Variants in DIS3L2 observed in about 807,000 individuals in gnomAD.
DIS3L2 encodes DIS3 like 3'-5' exoribonuclease 2, also known as DIS3-like exonuclease 2.
A neutral mutation model predicts 97.5 loss-of-function variants in DIS3L2; 34 were observed. The observed-to-expected ratio is 0.35, with a 90% CI of 0.27 to 0.46. DIS3L2 has a LOEUF of 0.46. DIS3L2 is among the 20% of genes least tolerant of loss of function. The probability of loss-of-function intolerance (pLI) is 1.00; values close to 1 mark genes in which losing one functional copy is unlikely to be tolerated. For missense variants in DIS3L2, 1,038 were observed against 1,146.0 expected, an observed-to-expected ratio of 0.91 and a Z score of 1.36; for synonymous variants, 435 against 445.2, an observed-to-expected ratio of 0.98 and a Z score of 0.29.
Position 232,325,079 on chromosome 2 carries a change from G to A in DIS3L2, c.1740-4734G>A, listed in dbSNP as rs141759573. ...GTTCCTCGATGGTCAGGGAAGGCAG[G>A]CTTCCTCTGAAGAGCAGATCGCTTT... On this transcript the variant is annotated intron_variant, in intron 14 of 20. Transcript: ENST00000325385. The surrounding 1 kb of genome is among the most constrained non-coding windows in gnomAD (Gnocchi z 4.6). 2.6e-5 allele frequency among the ~76,000 whole-genome samples: 4 copies of A among 152,340 alleles called. No homozygotes were observed. The highest frequency in any genetic ancestry group is 2.1e-4 in the South Asian group (1 of 4,828).
chr2:232,200,677 G>A (rs1691867908), intron 9 of DIS3L2, among the ~76,000 whole-genome samples: 1 of 151,830 alleles, frequency 6.6e-6, no homozygotes, highest in African/African-American at 2.4e-5. Flanking sequence ...GCCAGCAAAT[G>A]TAGGAGATAT....
At chr2:232,104,887 G>A (rs760833966) in intron 6 of DIS3L2, among the ~76,000 whole-genome samples, 5 of 151,644 alleles carry the variant, frequency 3.3e-5, no homozygotes, top group African/African-American at 7.3e-5. Context: ...GTGTGATCTC[G>A]GCTCACTGCA....
At chr2:232,007,237 T>C (rs1694078250) in intron 1 of DIS3L2, among the ~76,000 whole-genome samples, 1 of 152,180 alleles carries the variant, frequency 6.6e-6, no homozygotes, top group Non-Finnish European at 1.5e-5. Flanking sequence ...TATAAATATG[T>C]AGGGACATTT....
intron 5 of DIS3L2, among the ~76,000 whole-genome samples, chr2:232,046,645 C>G (rs11889439): frequency 0.11 from 16,758 of 152,064 alleles, 1,142 homozygotes; most frequent in African/African-American, 0.19. Flanking sequence ...ACCCCTTCAC[C>G]CCCTTCTCCA....
intron 14 of DIS3L2, among the ~76,000 whole-genome samples, chr2:232,312,256 C>T (rs1695155276): frequency 6.6e-6 from 1 of 152,146 alleles, no homozygotes; most frequent in Non-Finnish European, 1.5e-5. Context: ...TTTAAGAAAT[C>T]TTTGTCTATA....
intron 13 of DIS3L2, among the ~76,000 whole-genome samples, chr2:232,291,659 C>G (rs1277836958): frequency 1.3e-5 from 2 of 152,254 alleles, no homozygotes; most frequent in Non-Finnish European, 2.9e-5. Context: ...ACACTGTGCT[C>G]TTACCAGTGA....
intron 11 of DIS3L2, among the ~76,000 whole-genome samples, chr2:232,247,619 G>A (rs866795539): frequency 5.7e-5 from 2 of 34,878 alleles, no homozygotes; most frequent in African/African-American, 1.9e-4. Flanking sequence ...ACTGCCGCGG[G>A]GGGGGGGGGG....
chr2:232,194,613 T>C (rs1303607688), intron 9 of DIS3L2, among the ~76,000 whole-genome samples: 1 of 152,216 alleles, frequency 6.6e-6, no homozygotes, highest in Non-Finnish European at 1.5e-5. Flanking sequence ...AAGAATTGAC[T>C]TTGTCCTAAT....
chr2:232,157,946 AAT>A (rs1264228777), intron 8 of DIS3L2, among the ~76,000 whole-genome samples: 1 of 152,190 alleles, frequency 6.6e-6, no homozygotes, highest in African/African-American at 2.4e-5. Flanking sequence ...ATGGAGCACA[AAT>A]AGTTATACCC....
At chr2:232,131,123 C>A (rs1698205116) in intron 7 of DIS3L2, 1 of 165,120 alleles carries the variant, frequency 6.1e-6, no homozygotes, top group South Asian at 2.0e-4. Flanking sequence ...CATGCCCATA[C>A]CTAATTTAAA....
intron 14 of DIS3L2, 26 bp from the exon 15 acceptor site, chr2:232,329,787 C>CGGGGGGGG: frequency 9.4e-7 from 1 of 1,062,208 alleles, no homozygotes; most frequent in Non-Finnish European, 1.3e-6. Context: ...CCCAGCGGTC[C>CGGGGGGGG]CTCCCATCCC....
At chr2:232,123,676 T>G (rs1488550193) in intron 6 of DIS3L2, among the ~76,000 whole-genome samples, 2 of 152,050 alleles carry the variant, frequency 1.3e-5, no homozygotes, top group Non-Finnish European at 2.9e-5. Flanking sequence ...CTGAAACAAC[T>G]AAAAATATTT....
chr2:232,325,424 G>C lies in DIS3L2; in HGVS notation c.1740-4389G>C, dbSNP rs1463673657. 6.6e-6 allele frequency among the ~76,000 whole-genome samples: 1 copy of C among 152,222 alleles called. No homozygotes were observed. Among genetic ancestry groups the C allele is most frequent in the Non-Finnish European group, 1.5e-5 (1 of 68,024 alleles). ...AGTGTGTACCGTGTGCGGGGGGCTG[G>C]TGGCCTTTCTCTGCTGTCTGCCACA... On this transcript the variant is annotated intron_variant, in intron 14 of 20. Transcript: ENST00000325385. This position sits in a 1 kb window ranked among gnomAD's most constrained non-coding sequence, Gnocchi z 4.6.
At chr2:232,149,102 T>G (rs570929346) in intron 8 of DIS3L2, among the ~76,000 whole-genome samples, 1,788 of 150,426 alleles carry the variant, frequency 0.012, 16 homozygotes, top group Non-Finnish European at 0.017. Flanking sequence ...TCTCAGATGG[T>G]GCGTGAAAAT....
chr2:232,166,069 C>G (rs1294803878), intron 9 of DIS3L2, among the ~76,000 whole-genome samples: 2 of 104,522 alleles, frequency 1.9e-5, no homozygotes, highest in Non-Finnish European at 4.2e-5. Flanking sequence ...GACCCTGTCT[C>G]TACAATAAAT....
chr2:232,062,339 A>G (rs1359922746), intron 5 of DIS3L2, among the ~76,000 whole-genome samples: 2 of 152,164 alleles, frequency 1.3e-5, no homozygotes, highest in Non-Finnish European at 2.9e-5. Flanking sequence ...AGAAGGCACT[A>G]CCACACCACT....
chr2:232,308,641 T>C (rs1444394709), intron 14 of DIS3L2, among the ~76,000 whole-genome samples: 1 of 152,168 alleles, frequency 6.6e-6, no homozygotes, highest in Admixed American at 6.5e-5. Flanking sequence ...CCTTGCAGCC[T>C]TCCAGAGGAT....
Position 231,965,920 on chromosome 2 carries a change from G to T in DIS3L2, c.-94+4155G>T, listed in dbSNP as rs1187027151. On this transcript the variant is annotated intron_variant, in intron 1 of 20. Coordinates refer to ENST00000325385, the MANE Select transcript of DIS3L2 (RefSeq NM_152383.5). ...TGTGGCCTCGACCTTCTGGGCTCAG[G>T]CGATCCTCCTGCTTCAACCTCCCGA... is the stretch of plus-strand genomic sequence containing the variant. 2.6e-5 allele frequency among the ~76,000 whole-genome samples: 4 copies of T among 152,254 alleles called. No individual in the cohort carries two copies. The East Asian group carries it at 7.7e-4, about 29-fold the overall frequency.
At chr2:232,275,882 G>A (rs1694127701) in intron 13 of DIS3L2, among the ~76,000 whole-genome samples, 2 of 152,202 alleles carry the variant, frequency 1.3e-5, no homozygotes, top group African/African-American at 2.4e-5. Context: ...AGGTGTGCAC[G>A]TGGCTGCTTT....
Sources: allele counts gnomAD v4.1 joint callset (sites outside exome capture counted in the v4.1 genomes callset), GRCh38; gene constraint gnomAD v4.1.1; non-coding constraint Gnocchi (gnomAD v3.1); transcripts MANE v1.5; gene names NCBI Gene and HGNC (gene_info 2026-07-23, HGNC 2026-07-21).